SLC22A14: variants seen among roughly 807,000 people sequenced by gnomAD.
SLC22A14 encodes the protein solute carrier family 22 member 14, also known as organic cation transporter-like 4.
In SLC22A14, 50 loss-of-function variants were observed where a neutral mutation model predicts 53.9. The observed-to-expected ratio is 0.93, with a 90% CI of 0.74 to 1.17. The LOEUF (loss-of-function observed/expected upper bound fraction) is 1.17, where lower values mean the gene tolerates loss of function less well. Ranked by LOEUF, SLC22A14 falls within the 50% of genes most tolerant of loss-of-function variation. SLC22A14 has a pLI of 0.00. For synonymous variants in SLC22A14, 312 were observed against 303.0 expected (o/e 1.03, Z -0.31); for missense variants, 671 against 734.7 (o/e 0.91, Z 1.00).
chr3:38,314,043 A>G, intron 8 of SLC22A14, 102 bp downstream of exon 8: 1 of 936,512 alleles, frequency 1.1e-6, no homozygotes, highest in Non-Finnish European at 1.7e-6. Context: ...ACACCCTGGG[A>G]ATCAGCCTTC....
chr3:38,312,281 G>A (rs1410112001), intron 5 of SLC22A14, among the ~76,000 whole-genome samples: 3 of 152,166 alleles, frequency 2.0e-5, no homozygotes, highest in African/African-American at 7.2e-5. Flanking sequence ...GTAAAATGGG[G>A]ATAATCATAC....
Position 38,307,437 on chromosome 3 carries a change from G to T in SLC22A14, c.620+80G>T. The T allele has an allele frequency of 1.3e-6, 2 of 1,528,460 alleles. No homozygotes were observed. Among genetic ancestry groups the T allele is most frequent in the Non-Finnish European group, 1.8e-6 (2 of 1,102,956 alleles). The allele number at this position is 1,528,460 out of a possible 1,614,324, so 94.7% of individuals were successfully genotyped here. ...GGCATTCAGGGTTGGAGTGTGTCAG[G>T]CTGAGGGAGGTGAGGGTAGGGGTTC... On this transcript the variant is annotated intron_variant, in intron 3 of 10. Transcript: ENST00000448498. The surrounding 1 kb of genome is among the most constrained non-coding windows in gnomAD (Gnocchi z 4.4).
Position 38,309,008 on chromosome 3 carries a change from G to A in SLC22A14, c.830G>A (p.Cys277Tyr), listed in dbSNP as rs1469331643. ...HRAHAIILGH[C>Y]FFAVGAVLLT... is the part of the protein sequence containing the mutation. ...GCCCATGCCATTATCCTGGGACACT[G>A]CTTTTTCGCTGTTGGGGCCGTGTTG... The change falls in exon 5 of 11, where the codon TGC becomes TAC. Residue 277 changes from cysteine (C) to tyrosine (Y), a missense_variant. Physicochemically the swap from Cys to Tyr is radical, Grantham distance 194. Transcript: ENST00000448498. 6.2e-7 allele frequency: 1 copy of A among 1,614,032 alleles called. No homozygotes were observed. The highest frequency in any genetic ancestry group is 1.3e-5 in the African/African-American group (1 of 74,942).
upstream of SLC22A14, among the ~76,000 whole-genome samples, chr3:38,282,101 C>T (rs775006640): frequency 2.6e-5 from 4 of 152,144 alleles, no homozygotes; most frequent in African/African-American, 4.8e-5. Flanking sequence ...GTGGAGCCCT[C>T]GTGTGGAGGA....
At chr3:38,299,738 T>C (rs868239857) in intron 1 of SLC22A14, among the ~76,000 whole-genome samples, 1 of 152,186 alleles carries the variant, frequency 6.6e-6, no homozygotes, top group African/African-American at 2.4e-5. Context: ...AATTATTTTA[T>C]ATTTTGTAGA....
chr3:38,291,912 C>A (rs889328553), intron 1 of SLC22A14, among the ~76,000 whole-genome samples: 1 of 152,160 alleles, frequency 6.6e-6, no homozygotes. Flanking sequence ...GCCTGTTATG[C>A]CAAGGAACTC....
rs756007782 is a variant in SLC22A14, at chr3:38,306,394, C to A, written c.368C>A (p.Ala123Glu). ...CAGCTGAATCTGACCATACCCCAAG[C>A]ACCCAATGGCAGTTTCCTGACATGC... The part of the protein sequence containing the change: ...AEQLNLTIPQ[A>E]PNGSFLTCFM... The change falls in exon 2 of 11, where the codon GCA becomes GAA. Residue 123 changes from alanine (A) to glutamate (E), a missense_variant. Transcript: ENST00000448498. 8 of 1,614,214 alleles carry A rather than the reference C, an allele frequency of 5.0e-6. No homozygotes were observed. The Admixed American group carries it at 1.2e-4, about 24-fold the overall frequency.
At chr3:38,303,142 T>C (rs865977901) in intron 1 of SLC22A14, among the ~76,000 whole-genome samples, 1 of 152,122 alleles carries the variant, frequency 6.6e-6, no homozygotes, top group South Asian at 2.1e-4. Flanking sequence ...ATAATTTCAC[T>C]AAAGATTTGT....
At chr3:38,293,288 A>G (rs923709052) in intron 1 of SLC22A14, among the ~76,000 whole-genome samples, 7 of 152,192 alleles carry the variant, frequency 4.6e-5, no homozygotes, top group South Asian at 2.1e-4. Context: ...CTTATTAGGC[A>G]TTCAATTTGC....
intron 1 of SLC22A14, among the ~76,000 whole-genome samples, chr3:38,299,279 T>C (rs6785547): frequency 0.064 from 9,769 of 152,178 alleles, 376 homozygotes; most frequent in East Asian, 0.16. Flanking sequence ...GAGAACAGTC[T>C]CTCCCCTCCC....
chr3:38,310,408 C>T (rs187996374), intron 5 of SLC22A14, among the ~76,000 whole-genome samples: 111 of 152,292 alleles, frequency 7.3e-4, no homozygotes, highest in Non-Finnish European at 5.4e-4. Context: ...CAATTAAAAA[C>T]TTTAATCTTA....
At chr3:38,295,413 G>T (rs1430311818) in intron 1 of SLC22A14, among the ~76,000 whole-genome samples, 3 of 152,218 alleles carry the variant, frequency 2.0e-5, no homozygotes, top group Non-Finnish European at 4.4e-5. Context: ...TGTTAGCAAA[G>T]CAGTTGCTGC....
chr3:38,283,705 C>G (rs1333164700), intron 1 of SLC22A14, among the ~76,000 whole-genome samples: 1 of 152,148 alleles, frequency 6.6e-6, no homozygotes, highest in African/African-American at 2.4e-5. Flanking sequence ...TGGCTTGCAC[C>G]TGTAGTACCA....
chr3:38,296,383 C>A (rs2125878088), intron 1 of SLC22A14, among the ~76,000 whole-genome samples: 1 of 150,626 alleles, frequency 6.6e-6, no homozygotes, highest in African/African-American at 2.4e-5. Flanking sequence ...CAAACAGCCT[C>A]ACACCTTGAG....
rs757033424 is a variant in SLC22A14 at position 38,309,123 on chromosome 3, G to A, written c.944+1G>A. Reference sequence around the variant, plus strand: ...TGATCCCCTTCATCTCCTATATCTGGTGAGCAAGCGAGTACCGGGCATGTA... The same window carrying A: ...TGATCCCCTTCATCTCCTATATCTGATGAGCAAGCGAGTACCGGGCATGTA... On this transcript the variant is annotated splice_donor_variant, in intron 5 of 10. Coordinates refer to ENST00000448498, the MANE Select transcript of SLC22A14 (RefSeq NM_001320033.2). LOFTEE classifies it high-confidence loss of function. 2 of 1,613,664 alleles carry A rather than the reference G, an allele frequency of 1.2e-6. No homozygotes were observed. The highest frequency in any genetic ancestry group is 1.1e-5 in the South Asian group (1 of 91,066).
At chr3:38,280,125 A>T (rs1703635361), upstream of SLC22A14, among the ~76,000 whole-genome samples, 1 of 152,134 alleles carries the variant, frequency 6.6e-6, no homozygotes. Context: ...CATGTGATCT[A>T]TGAGGTGTCA....
At chr3:38,301,343 C>T (rs376558977) in intron 1 of SLC22A14, among the ~76,000 whole-genome samples, 19 of 152,300 alleles carry the variant, frequency 1.2e-4, no homozygotes, top group African/African-American at 4.3e-4. Flanking sequence ...AGCTTGTTTC[C>T]CCACAGCCTC....
In SLC22A14 at chr3:38,306,223, A is replaced by G. The variant is rs1704297623; in HGVS notation, c.197A>G (p.Gln66Arg). ...LDAVGEFGTFQQRLVALTFIP... is the reference protein window; with the variant it reads ...LDAVGEFGTFRQRLVALTFIP... ...GCGGTGGGGGAGTTTGGCACATTCC[A>G]GCAGAGGCTAGTAGCCCTCACCTTT... The change falls in exon 2 of 11, where the codon CAG becomes CGG. Residue 66 changes from glutamine to arginine, a missense_variant. By Grantham distance (43) the Gln-to-Arg change is conservative. Transcript: ENST00000448498. The G allele has an allele frequency of 6.2e-7, 1 of 1,614,160 alleles. No individual in the cohort carries two copies. Among genetic ancestry groups the G allele is most frequent in the Non-Finnish European group, 8.5e-7 (1 of 1,180,030 alleles).
chr3:38,294,925 G>A (rs1703993559), intron 1 of SLC22A14, among the ~76,000 whole-genome samples: 1 of 152,216 alleles, frequency 6.6e-6, no homozygotes, highest in African/African-American at 2.4e-5. Context: ...TCATTTCAGA[G>A]AGGGTGTAGG....
Sources: gnomAD v4.1 joint callset for allele counts (sites outside exome capture counted in the v4.1 genomes callset) on GRCh38, gnomAD v4.1.1 for gene constraint, Gnocchi (gnomAD v3.1) non-coding constraint, MANE v1.5 for transcripts, NCBI Gene and HGNC (gene_info 2026-07-23, HGNC 2026-07-21) for gene names.